The following BRCA1 variants were observed in gnomAD, a reference collection of about 807,000 sequenced individuals.
BRCA1 encodes the protein breast cancer type 1 susceptibility protein.
In BRCA1, 140 loss-of-function variants were observed where a neutral mutation model predicts 173.7. The observed-to-expected ratio is 0.81, with a 90% CI of 0.70 to 0.93. BRCA1 has a LOEUF of 0.93. Among genes scored for constraint, BRCA1 ranks in the 40% least tolerant of loss-of-function variants. BRCA1 has a pLI of 0.00. For missense variants in BRCA1, 1,983 were observed against 2,172.5 expected, an observed-to-expected ratio of 0.91 and a Z score of 1.73; for synonymous variants, 662 against 756.0, an observed-to-expected ratio of 0.88 and a Z score of 2.04.
intron 1 of BRCA1, chr17:43,165,809 TAA>T (rs2056263083): frequency 7.1e-6 from 1 of 140,618 alleles, no homozygotes; most frequent in Admixed American, 7.3e-5. Flanking sequence ...CACAAGAATA[TAA>T]GTTACTATAT....
rs1468589409 is a variant in BRCA1, at chr17:43,104,220, G to T, written c.343C>A (p.Pro115Thr). 6.2e-7 allele frequency: 1 copy of T among 1,612,960 alleles called. No homozygotes were observed. The highest frequency in any genetic ancestry group is 8.5e-7 in the Non-Finnish European group (1 of 1,179,068). The change falls in exon 6 of 23, where the codon CCT (proline) becomes ACT (threonine). Residue 115 changes from proline (P) to threonine (T), a missense_variant. Pro to Thr is a conservative substitution (Grantham distance 38, BLOSUM62 -1). Transcript: ENST00000357654. The stretch of plus-strand genomic sequence containing the variant: ...GAAACTTCATCTTTTAGATGTTCAG[G>T]AGAGTTATTTTCCTTTTTTGCAAAA... Reference protein sequence around the residue: ...YNFAKKENNSPEHLKDEVSII... With the variant: ...YNFAKKENNSTEHLKDEVSII...
At chr17:43,155,496 G>A (rs140190424) in intron 1 of BRCA1, among the ~76,000 whole-genome samples, 74 of 152,202 alleles carry the variant, frequency 4.9e-4, no homozygotes, top group African/African-American at 1.7e-3. Flanking sequence ...TTCCCAAAGT[G>A]CTGGGATTAC....
At chr17:43,071,700 A>G (rs1364533546) in intron 14 of BRCA1, among the ~76,000 whole-genome samples, 1 of 152,172 alleles carries the variant, frequency 6.6e-6, no homozygotes, top group Non-Finnish European at 1.5e-5. Flanking sequence ...TCATGACATT[A>G]TTTTAAAAAT....
intron 18 of BRCA1, among the ~76,000 whole-genome samples, chr17:43,062,076 T>C (rs1405781090): frequency 6.6e-6 from 1 of 152,122 alleles, no homozygotes. Context: ...TATATATGTA[T>C]ATATGCATAT....
intron 11 of BRCA1, among the ~76,000 whole-genome samples, chr17:43,085,315 G>A (rs960739418): frequency 2.6e-5 from 4 of 151,748 alleles, no homozygotes; most frequent in Non-Finnish European, 5.9e-5. Context: ...AGCTGAGATC[G>A]TGCCACGGCA....
chr17:43,145,487 C>T (rs538926722), intron 1 of BRCA1, among the ~76,000 whole-genome samples: 5 of 152,090 alleles, frequency 3.3e-5, no homozygotes, highest in Admixed American at 1.3e-4. Flanking sequence ...CCATCACGCC[C>T]GGCTAATTTT....
At chr17:43,118,760 C>A (rs1438194058) in intron 2 of BRCA1, among the ~76,000 whole-genome samples, 1 of 138,528 alleles carries the variant, frequency 7.2e-6, no homozygotes, top group East Asian at 2.2e-4. Flanking sequence ...TGAATGTGAA[C>A]CTTTTTTTTT....
intron 11 of BRCA1, among the ~76,000 whole-genome samples, chr17:43,087,678 A>AG (rs1470547687): frequency 2.0e-5 from 3 of 151,886 alleles, no homozygotes; most frequent in Non-Finnish European, 4.4e-5. Flanking sequence ...AAAAAAAAAA[A>AG]AAAGAAAAAA....
intron 1 of BRCA1, among the ~76,000 whole-genome samples, chr17:43,141,114 C>T (rs1295328603): frequency 6.6e-6 from 1 of 152,156 alleles, no homozygotes; most frequent in Non-Finnish European, 1.5e-5. Flanking sequence ...TTTTGTTCCA[C>T]CTGACCCTGG....
intron 1 of BRCA1, among the ~76,000 whole-genome samples, chr17:43,149,972 A>G (rs1264037673): frequency 6.6e-6 from 1 of 152,054 alleles, no homozygotes; most frequent in African/African-American, 2.4e-5. Context: ...TGTTTTTAAT[A>G]GAGACGGGGT....
At chr17:43,056,644 G>A (rs2051469959) in intron 19 of BRCA1, among the ~76,000 whole-genome samples, 1 of 151,740 alleles carries the variant, frequency 6.6e-6, no homozygotes, top group South Asian at 2.1e-4. Context: ...CTGCACTCTG[G>A]CCTGGGCAAT....
At chr17:43,129,791 T>C (rs139821206), upstream of BRCA1, among the ~76,000 whole-genome samples, 4 of 152,294 alleles carry the variant, frequency 2.6e-5, no homozygotes, top group Admixed American at 1.3e-4. Flanking sequence ...TTTCTTAAAG[T>C]TGGAAAGTGG....
intron 3 of BRCA1, among the ~76,000 whole-genome samples, chr17:43,111,111 A>AAG (rs2055015167): frequency 6.6e-6 from 1 of 152,024 alleles, no homozygotes; most frequent in East Asian, 1.9e-4. Flanking sequence ...AAAAAAAAAA[A>AAG]AAAAAGTATT....
At chr17:43,160,042 ATTT>A (rs1288122295) in intron 1 of BRCA1, 6 of 137,676 alleles carry the variant, frequency 4.4e-5, no homozygotes, top group Non-Finnish European at 6.4e-5. Flanking sequence ...ACCATCCATG[ATTT>A]TTTTTTTTTT....
At chr17:43,055,583 G>A (rs1479737556) in intron 19 of BRCA1, among the ~76,000 whole-genome samples, 1 of 152,058 alleles carries the variant, frequency 6.6e-6, no homozygotes, top group Non-Finnish European at 1.5e-5. Flanking sequence ...TCTGGAATTT[G>A]AGACCAGCCT....
Position 43,085,676 on chromosome 17 carries a change from T to TA in BRCA1, c.4186-3102dup, listed in dbSNP as rs8176175. On this transcript the variant is annotated intron_variant, in intron 11 of 22. Transcript: ENST00000357654. ...TCAAGGCCTAGTTTGAATGTCTCCT[T>TA]AAGTCCCCACCAGGAGGAGTTGTGA... Among the ~76,000 whole-genome samples, 934 of 152,182 alleles carry TA rather than the reference T, an allele frequency of 6.1e-3. 27 individuals carry two copies. The East Asian group carries it at 0.08, about 13-fold the overall frequency.
upstream of BRCA1, among the ~76,000 whole-genome samples, chr17:43,127,860 T>C (rs2055927003): frequency 6.9e-6 from 1 of 144,652 alleles, no homozygotes; most frequent in Non-Finnish European, 1.5e-5. Flanking sequence ...CCGACTCTAC[T>C]AAAAAGACAA....
chr17:43,052,556 A>G (rs1473273951), intron 19 of BRCA1, among the ~76,000 whole-genome samples: 1 of 152,192 alleles, frequency 6.6e-6, no homozygotes. Flanking sequence ...TAACTTGGGT[A>G]TCACTTAAAA....
chr17:43,106,581 T>G, intron 3 of BRCA1, 48 bp from the exon 4 acceptor site: 1 of 1,378,984 alleles, frequency 7.3e-7, no homozygotes, highest in Non-Finnish European at 1.0e-6. Context: ...CTTCCTTTTG[T>G]AGAAAGAATA....
Sources: gnomAD v4.1 joint callset for allele counts (sites outside exome capture counted in the v4.1 genomes callset) on GRCh38, gnomAD v4.1.1 for gene constraint, MANE v1.5 for transcripts, NCBI Gene and HGNC (gene_info 2026-07-23, HGNC 2026-07-21) for gene names.